The following SLC7A2 variants were observed in gnomAD, a reference collection of about 807,000 sequenced individuals.
The protein encoded by SLC7A2 is cationic amino acid transporter 2.
Under a neutral mutation model 58.9 loss-of-function variants are expected in SLC7A2, and 48 were observed. That is an observed-to-expected ratio of 0.82 (90% CI 0.65 to 1.04). The LOEUF is 1.04. SLC7A2 is among the 50% of genes least tolerant of loss of function. The pLI, the probability that SLC7A2 is intolerant of heterozygous loss-of-function variation, is 0.00. For synonymous variants in SLC7A2, 363 were observed against 314.5 expected (o/e 1.15, Z -1.63); for missense variants, 1,029 against 818.8 (o/e 1.26, Z -3.13).
Position 17,570,096 on chromosome 8 carries a change from T to G in SLC7A2, c.*4950T>G, listed in dbSNP as rs182126424. On this transcript the variant is annotated 3_prime_UTR_variant, in exon 13 of 13. Coordinates refer to ENST00000494857, the MANE Select transcript of SLC7A2 (RefSeq NM_001370338.1). Reference sequence around the variant, plus strand: ...GGGCTGGCTGAATCCTGAAGTAGCATAGTGGGACCTGGTCTACAATTTATG... The same window carrying G: ...GGGCTGGCTGAATCCTGAAGTAGCAGAGTGGGACCTGGTCTACAATTTATG... 96 of 152,266 alleles carry G rather than the reference T, an allele frequency of 6.3e-4. No individual in the cohort carries two copies. Among genetic ancestry groups the G allele is most frequent in the African/African-American group, 2.2e-3 (91 of 41,546 alleles). 9.4% of individuals were successfully genotyped at this position (152,266 alleles called of 1,614,324 possible).
intron 2 of SLC7A2, among the ~76,000 whole-genome samples, chr8:17,540,552 T>C (rs979199154): frequency 4.6e-5 from 7 of 152,098 alleles, no homozygotes; most frequent in Admixed American, 4.6e-4. Flanking sequence ...AATCATATCT[T>C]ATGTGATTAA....
chr8:17,509,312 C>T (rs979887955), intron 2 of SLC7A2, among the ~76,000 whole-genome samples: 16 of 151,910 alleles, frequency 1.1e-4, no homozygotes. Flanking sequence ...CCTTATTCTT[C>T]TTCTTCTTCT....
intron 2 of SLC7A2, among the ~76,000 whole-genome samples, chr8:17,519,777 C>T (rs1800941185): frequency 6.6e-6 from 1 of 152,138 alleles, no homozygotes; most frequent in South Asian, 2.1e-4. Context: ...ATAAAGGTGG[C>T]CAGGTTCCTA....
chr8:17,552,386 T>C (rs921909206), intron 7 of SLC7A2, among the ~76,000 whole-genome samples: 1 of 152,222 alleles, frequency 6.6e-6, no homozygotes, highest in Non-Finnish European at 1.5e-5. Context: ...TGAGAATGTA[T>C]GTACAGACCT....
chr8:17,523,916 G>GAA (rs147712457), intron 2 of SLC7A2, among the ~76,000 whole-genome samples: 29 of 150,104 alleles, frequency 1.9e-4, no homozygotes, highest in African/African-American at 5.9e-4. Context: ...AAATCAGCAA[G>GAA]AAAAAAAAAT....
At chr8:17,544,393 A>G in intron 3 of SLC7A2, 58 bp from the exon 4 acceptor site, 2 of 1,460,932 alleles carry the variant, frequency 1.4e-6, no homozygotes, top group South Asian at 2.4e-5. Flanking sequence ...AGAGTAGCAA[A>G]TGATGCTACT....
At chr8:17,507,462 C>T (rs963021700) in intron 2 of SLC7A2, among the ~76,000 whole-genome samples, 20 of 152,176 alleles carry the variant, frequency 1.3e-4, no homozygotes, top group African/African-American at 4.8e-4. Context: ...GATCTTCTCG[C>T]CTTGGCCTCC....
rs557840212 is a variant in SLC7A2, at chr8:17,553,775, C to T, written c.1056-785C>T. Among the ~76,000 whole-genome samples the T allele has an allele frequency of 7.9e-5, 12 of 152,032 alleles. No homozygotes were observed. In the East Asian group the frequency reaches 1.7e-3, roughly 22 times the overall value. ...CCTGGGTGACAGAGTGAGTCCCTGT[C>T]GCAAATAAAATAAATCAATAAGAAG... is the stretch of plus-strand genomic sequence containing the variant. On this transcript the variant is annotated intron_variant, in intron 7 of 12. Coordinates refer to ENST00000494857, the MANE Select transcript of SLC7A2 (RefSeq NM_001370338.1).
intron 2 of SLC7A2, among the ~76,000 whole-genome samples, chr8:17,509,488 T>C (rs182479064): frequency 5.3e-5 from 8 of 152,108 alleles, no homozygotes; most frequent in Admixed American, 1.3e-4. Context: ...GTATTTTTAG[T>C]AGAGACAGGG....
At chr8:17,531,824 A>C (rs1801462138) in intron 2 of SLC7A2, among the ~76,000 whole-genome samples, 1 of 152,184 alleles carries the variant, frequency 6.6e-6, no homozygotes, top group African/African-American at 2.4e-5. Context: ...GTTTCAAGTA[A>C]AGTAACAAAG....
At chr8:17,501,362 C>T (rs1800153145) in intron 1 of SLC7A2, among the ~76,000 whole-genome samples, 1 of 152,182 alleles carries the variant, frequency 6.6e-6, no homozygotes, top group Non-Finnish European at 1.5e-5. Context: ...GCCTCTGCTG[C>T]TGTTACGCTG....
At chr8:17,557,297 C>G (rs1585263680) in intron 8 of SLC7A2, among the ~76,000 whole-genome samples, 2 of 152,238 alleles carry the variant, frequency 1.3e-5, no homozygotes, top group East Asian at 3.9e-4. Flanking sequence ...AATATTGTCA[C>G]TATTTTGATG....
chr8:17,520,835 G>T (rs772642262), intron 2 of SLC7A2: 1 of 360,910 alleles, frequency 2.8e-6, no homozygotes, highest in Non-Finnish European at 3.9e-6. Context: ...TTGTACTCCA[G>T]TATTGATTTG....
upstream of SLC7A2, among the ~76,000 whole-genome samples, chr8:17,495,009 T>G (rs997923699): frequency 2.4e-4 from 37 of 152,362 alleles, no homozygotes; most frequent in African/African-American, 8.9e-4. Flanking sequence ...CAGATAAATT[T>G]GTTTATCCCA....
chr8:17,500,641 T>G (rs1800116159), intron 1 of SLC7A2: 2 of 152,148 alleles, frequency 1.3e-5, no homozygotes, highest in African/African-American at 4.8e-5. Flanking sequence ...ATACAAAAAT[T>G]AGCCAGGTTT....
chr8:17,557,323 C>T (rs1585263703), intron 8 of SLC7A2, among the ~76,000 whole-genome samples: 1 of 152,060 alleles, frequency 6.6e-6, no homozygotes, highest in Admixed American at 6.6e-5. Context: ...GTGGAGAAAA[C>T]AGTTGCTTAG....
intron 7 of SLC7A2, 132 bp downstream of exon 7, chr8:17,552,118 A>T: frequency 1.5e-6 from 1 of 666,450 alleles, no homozygotes; most frequent in Non-Finnish European, 2.6e-6. Flanking sequence ...GTATTTATTG[A>T]TTGGCTTGCT....
rs991955595 is a variant in SLC7A2, at chr8:17,529,061, T to A, written c.-22-14257T>A. On this transcript the variant is annotated intron_variant, in intron 2 of 12. Transcript: ENST00000494857. The stretch of plus-strand genomic sequence containing the variant: ...TGATGTTAAGATTTCTAAAATGTAT[T>A]TACATGTACTTTATAATAAAAAAGC... 7.9e-5 allele frequency among the ~76,000 whole-genome samples: 12 copies of A among 152,296 alleles called. 1 individual carries two copies. The highest frequency in any genetic ancestry group is 5.9e-4 in the Admixed American group (9 of 15,298).
At chr8:17,530,723 C>G (rs1257181914) in intron 2 of SLC7A2, among the ~76,000 whole-genome samples, 1 of 152,000 alleles carries the variant, frequency 6.6e-6, no homozygotes, top group Admixed American at 6.6e-5. Flanking sequence ...CAGGGACGTG[C>G]CACCATGCCT....
Sources: gnomAD v4.1 joint callset for allele counts (sites outside exome capture counted in the v4.1 genomes callset) on GRCh38, gnomAD v4.1.1 for gene constraint, MANE v1.5 for transcripts, NCBI Gene and HGNC (gene_info 2026-07-23, HGNC 2026-07-21) for gene names.